FER: variants seen among roughly 807,000 people sequenced by gnomAD.
FER encodes the protein FER tyrosine kinase.
Under a neutral mutation model 111.0 loss-of-function variants are expected in FER, and 63 were observed. That is an observed-to-expected ratio of 0.57 (90% CI 0.46 to 0.70). The LOEUF (loss-of-function observed/expected upper bound fraction) is 0.70. Ranked by LOEUF, FER falls within the 30% of genes least tolerant of loss-of-function variation. The pLI is 0.00. For synonymous variants in FER, 327 were observed against 313.9 expected, an observed-to-expected ratio of 1.04 and a Z score of -0.44; for missense variants, 914 against 954.0, an observed-to-expected ratio of 0.96 and a Z score of 0.55.
At chr5:109,006,568 G>A (rs1475748295) in intron 13 of FER, among the ~76,000 whole-genome samples, 1 of 152,118 alleles carries the variant, frequency 6.6e-6, no homozygotes, top group Non-Finnish European at 1.5e-5. Flanking sequence ...TGAGAATAGA[G>A]TAATACAAGC....
rs1449811244 is a variant in FER at position 109,195,710 on chromosome 5, A to C, written c.*8135A>C. 1 of 152,214 alleles carries C rather than the reference A, an allele frequency of 6.6e-6. No homozygotes were observed. Among genetic ancestry groups the C allele is most frequent in the Non-Finnish European group, 1.5e-5 (1 of 68,026 alleles). 9.4% of individuals were successfully genotyped at this position (152,214 alleles called of 1,614,324 possible). On this transcript the variant is annotated 3_prime_UTR_variant, in exon 20 of 20. Coordinates refer to ENST00000281092, the MANE Select transcript of FER (RefSeq NM_005246.4). Reference sequence around the variant, plus strand: ...CAGTTGCATCCTGTGACATGATCAGACTGTCAATGTGGACCAGTGGCCAGG... The same window carrying C: ...CAGTTGCATCCTGTGACATGATCAGCCTGTCAATGTGGACCAGTGGCCAGG...
Position 108,959,270 on chromosome 5 carries a change from C to T in FER, c.1579C>T (p.Leu527Phe), listed in dbSNP as rs1156927317. ...CACTGGGTTTTCAAACATTCCTCAA[C>T]TTATAGATCATCACTATACAACAAA... ...EGTGFSNIPQ[L>F]IDHHYTTKQV... Residue 527 changes from leucine (L) to phenylalanine (F), a missense_variant, in exon 13 of 20, where the codon CTT (leucine) becomes TTT (phenylalanine). By Grantham distance (22) the Leu-to-Phe change is conservative. Coordinates refer to ENST00000281092, the MANE Select transcript of FER (RefSeq NM_005246.4). 1 of 1,611,896 alleles carries T rather than the reference C, an allele frequency of 6.2e-7. No individual in the cohort carries two copies. The highest frequency in any genetic ancestry group is 2.2e-5 in the East Asian group (1 of 44,692).
intron 13 of FER, among the ~76,000 whole-genome samples, chr5:108,984,148 C>T (rs563930727): frequency 4.0e-5 from 6 of 151,524 alleles, no homozygotes; most frequent in African/African-American, 1.4e-4. Flanking sequence ...CTTGTCTTAC[C>T]TTTTATTCTT....
intron 16 of FER, among the ~76,000 whole-genome samples, chr5:109,061,817 A>G (rs1774450470): frequency 6.6e-6 from 1 of 152,214 alleles, no homozygotes; most frequent in African/African-American, 2.4e-5. Flanking sequence ...CTAATATGCA[A>G]ATCATTTCTA....
At chr5:108,757,317 T>C (rs983724791) in intron 1 of FER, among the ~76,000 whole-genome samples, 5 of 152,192 alleles carry the variant, frequency 3.3e-5, no homozygotes, top group African/African-American at 1.2e-4. Flanking sequence ...GCTTTGGCTT[T>C]GTTCTGTTTG....
At chr5:109,016,348 A>C (rs1767118218) in intron 13 of FER, among the ~76,000 whole-genome samples, 1 of 152,040 alleles carries the variant, frequency 6.6e-6, no homozygotes, top group Non-Finnish European at 1.5e-5. Flanking sequence ...TGAGTAGTTC[A>C]AGATTGTCTT....
chr5:108,804,728 C>G (rs1757021172), intron 3 of FER, among the ~76,000 whole-genome samples: 1 of 152,074 alleles, frequency 6.6e-6, no homozygotes. Flanking sequence ...TTGCTTGATT[C>G]AGTTTGCTAT....
chr5:108,794,844 AT>A (rs1349983582), intron 2 of FER, among the ~76,000 whole-genome samples: 1 of 152,022 alleles, frequency 6.6e-6, no homozygotes, highest in Non-Finnish European at 1.5e-5. Flanking sequence ...TGGGAGTTTG[AT>A]TATTAAATGC....
At chr5:108,940,282 GATGTTTTT>G (rs1756079929) in intron 10 of FER, among the ~76,000 whole-genome samples, 1 of 152,008 alleles carries the variant, frequency 6.6e-6, no homozygotes, top group African/African-American at 2.4e-5. Flanking sequence ...AACCATAAAA[GATGTTTTT>G]ATGTTTTCCT....
At chr5:108,885,805 C>A (rs931085001) in intron 9 of FER, among the ~76,000 whole-genome samples, 1 of 151,674 alleles carries the variant, frequency 6.6e-6, no homozygotes, top group African/African-American at 2.4e-5. Context: ...ATCGATGAGC[C>A]CTGTAAAGGC....
At chr5:109,055,851 C>CA (rs373320956) in intron 16 of FER, among the ~76,000 whole-genome samples, 18,669 of 92,214 alleles carry the variant, frequency 0.2, 1,616 homozygotes, top group Middle Eastern at 0.27. Context: ...AACATTGTCT[C>CA]AAAAAAAAAA....
chr5:108,975,329 A>G (rs1163373987), intron 13 of FER, among the ~76,000 whole-genome samples: 1 of 152,160 alleles, frequency 6.6e-6, no homozygotes. Flanking sequence ...ATGATGGGTC[A>G]ATAGGTGCAG....
In FER at chr5:109,191,374, T is replaced by C. The variant is rs1759363462; in HGVS notation, c.*3799T>C. The C allele has an allele frequency of 6.6e-6, 1 of 152,210 alleles. No individual in the cohort carries two copies. Among genetic ancestry groups the C allele is most frequent in the African/African-American group, 2.4e-5 (1 of 41,456 alleles). 9.4% of individuals were successfully genotyped at this position (152,210 alleles called of 1,614,324 possible). A position where few individuals can be genotyped will look rare whatever the true frequency, so the allele number is the denominator to read the frequency against. The stretch of plus-strand genomic sequence containing the variant: ...TGATATTTTCTGAAAAAGCATTGTT[T>C]GCCTCAGCCCTCTTCTTTTTACGTA... On this transcript the variant is annotated 3_prime_UTR_variant, in exon 20 of 20. Coordinates refer to ENST00000281092, the MANE Select transcript of FER (RefSeq NM_005246.4).
chr5:109,015,380 A>G (rs1766938070), intron 13 of FER, among the ~76,000 whole-genome samples: 1 of 152,092 alleles, frequency 6.6e-6, no homozygotes, highest in Non-Finnish European at 1.5e-5. Context: ...TAAGATGTAG[A>G]TAGAGAAGCA....
intron 5 of FER, among the ~76,000 whole-genome samples, chr5:108,856,768 T>C (rs76508194): frequency 0.013 from 1,957 of 152,240 alleles, 25 homozygotes; most frequent in Middle Eastern, 0.048. Context: ...TAAATCTTTT[T>C]TTTTTCAGTG....
At chr5:108,818,855 A>G (rs1157867088) in intron 3 of FER, among the ~76,000 whole-genome samples, 1 of 152,208 alleles carries the variant, frequency 6.6e-6, no homozygotes, top group East Asian at 1.9e-4. Flanking sequence ...ACTTCTTTTT[A>G]GATGTGCTCA....
intron 6 of FER, among the ~76,000 whole-genome samples, chr5:108,868,309 G>T (rs1764270946): frequency 6.6e-6 from 1 of 151,060 alleles, no homozygotes; most frequent in South Asian, 2.1e-4. Context: ...GAGATTTTTT[G>T]AAAGTTTATT....
chr5:108,830,418 C>T (rs1390307982), intron 3 of FER, among the ~76,000 whole-genome samples: 2 of 152,158 alleles, frequency 1.3e-5, no homozygotes, highest in Admixed American at 6.5e-5. Context: ...TGCGTGACTG[C>T]ACTCCAGCCT....
At chr5:109,063,843 G>A (rs1308046159) in intron 16 of FER, among the ~76,000 whole-genome samples, 1 of 152,140 alleles carries the variant, frequency 6.6e-6, no homozygotes, top group Non-Finnish European at 1.5e-5. Flanking sequence ...TTAGTGCACA[G>A]TAAGTTTCAA....
Sources: allele counts gnomAD v4.1 joint callset (sites outside exome capture counted in the v4.1 genomes callset), GRCh38; gene constraint gnomAD v4.1.1; transcripts MANE v1.5; gene names NCBI Gene and HGNC (gene_info 2026-07-23, HGNC 2026-07-21).